Variants in ANO10 observed in about 807,000 individuals in gnomAD.
ANO10 encodes anoctamin 10, also known as anoctamin-10.
Under a neutral mutation model 74.7 loss-of-function variants are expected in ANO10, and 77 were observed. The ratio of observed to expected loss-of-function variants is 1.03; its 90% CI spans 0.86 to 1.25. The LOEUF is 1.25. ANO10 is among the 50% of genes most tolerant of loss of function. The pLI is 0.00. For synonymous variants in ANO10, 279 were observed against 284.9 expected (o/e 0.98, Z 0.21); for missense variants, 721 against 778.1 (o/e 0.93, Z 0.87).
chr3:43,511,916 A>G (rs921749819), intron 11 of ANO10, among the ~76,000 whole-genome samples: 1 of 152,192 alleles, frequency 6.6e-6, no homozygotes, highest in Non-Finnish European at 1.5e-5. Flanking sequence ...TTTCCTGAGC[A>G]ATGCACACAC....
At chr3:43,481,156 A>G (rs1242546468) in intron 11 of ANO10, among the ~76,000 whole-genome samples, 1 of 152,142 alleles carries the variant, frequency 6.6e-6, no homozygotes, top group East Asian at 1.9e-4. Context: ...AAACAGCAGA[A>G]AAAGGGCTAA....
At chr3:43,442,524 C>T (rs1193705916) in intron 11 of ANO10, among the ~76,000 whole-genome samples, 1 of 152,096 alleles carries the variant, frequency 6.6e-6, no homozygotes, top group Non-Finnish European at 1.5e-5. Context: ...AAAACATTGC[C>T]ACAAGAAATT....
chr3:43,504,280 A>ACAGG (rs1553692081), intron 11 of ANO10, among the ~76,000 whole-genome samples: 5 of 143,664 alleles, frequency 3.5e-5, no homozygotes, highest in Non-Finnish European at 6.1e-5. Flanking sequence ...AAATAAGTAG[A>ACAGG]TAGGTAGGTA....
At chr3:43,374,090 G>C (rs1373831551) in intron 12 of ANO10, among the ~76,000 whole-genome samples, 1 of 152,174 alleles carries the variant, frequency 6.6e-6, no homozygotes, top group Non-Finnish European at 1.5e-5. Context: ...CCATCTAGAT[G>C]GTTCCTCCAG....
intron 11 of ANO10, among the ~76,000 whole-genome samples, chr3:43,460,775 G>T (rs941827060): frequency 6.6e-6 from 1 of 152,136 alleles, no homozygotes; most frequent in African/African-American, 2.4e-5. Flanking sequence ...CTGAGAACAG[G>T]AGAGAGGGTT....
intron 1 of ANO10, among the ~76,000 whole-genome samples, chr3:43,650,476 A>G (rs897649338): frequency 2.6e-5 from 4 of 152,228 alleles, no homozygotes; most frequent in Non-Finnish European, 5.9e-5. Context: ...AACACAGGAA[A>G]TAAAACTAAG....
At chr3:43,391,582 A>G (rs1466073512) in intron 12 of ANO10, among the ~76,000 whole-genome samples, 4 of 152,188 alleles carry the variant, frequency 2.6e-5, no homozygotes, top group Non-Finnish European at 5.9e-5. Context: ...TAACCAACAG[A>G]ATACAGTAAA....
chr3:43,372,761 C>T (rs1216449918), intron 12 of ANO10: 1 of 1,310,864 alleles, frequency 7.6e-7, no homozygotes, highest in African/African-American at 1.5e-5. Flanking sequence ...AGGGCCATGA[C>T]TAGACCCCAG....
chr3:43,447,092 T>C (rs904676943), intron 11 of ANO10, among the ~76,000 whole-genome samples: 1 of 152,220 alleles, frequency 6.6e-6, no homozygotes, highest in African/African-American at 2.4e-5. Context: ...ACAGCACCCA[T>C]ACTTTATCGA....
chr3:43,536,396 T>G lies in ANO10; in HGVS notation c.1797+13324A>C, dbSNP rs182497331. Among the ~76,000 whole-genome samples the G allele has an allele frequency of 3.9e-5, 6 of 152,288 alleles. No homozygotes were observed. In the East Asian group the frequency reaches 1.2e-3, roughly 29 times the overall value. On this transcript the variant is annotated intron_variant, in intron 11 of 12. Coordinates refer to ENST00000292246, the MANE Select transcript of ANO10 (RefSeq NM_018075.5). ...GTGCCCTCAAAACGGTTAGCAGCAG[T>G]AGCATATTACTTTCTACATAGTCAT... is the stretch of plus-strand genomic sequence containing the variant.
At chr3:43,615,898 C>T (rs2083078191) in intron 1 of ANO10, among the ~76,000 whole-genome samples, 1 of 152,128 alleles carries the variant, frequency 6.6e-6, no homozygotes, top group Non-Finnish European at 1.5e-5. Context: ...TGTGATCCGC[C>T]CGCCTCGGCC....
chr3:43,514,174 G>A (rs1402200156), intron 11 of ANO10, among the ~76,000 whole-genome samples: 3 of 151,616 alleles, frequency 2.0e-5, no homozygotes, highest in Non-Finnish European at 2.9e-5. Flanking sequence ...ATGCCATAAC[G>A]CCCCAATTAA....
chr3:43,380,585 G>C (rs957207477), intron 12 of ANO10, among the ~76,000 whole-genome samples: 2 of 152,094 alleles, frequency 1.3e-5, no homozygotes, highest in Non-Finnish European at 2.9e-5. Flanking sequence ...TGTGTCTACC[G>C]AAACTAAGCT....
At chr3:43,597,421 A>T (rs904126265) in intron 4 of ANO10, among the ~76,000 whole-genome samples, 30 of 152,346 alleles carry the variant, frequency 2.0e-4, no homozygotes, top group Non-Finnish European at 4.4e-4. Context: ...ACCATGGAAT[A>T]CTATGCAGCC....
chr3:43,492,249 G>C (rs1575253191), intron 11 of ANO10, among the ~76,000 whole-genome samples: 1 of 152,262 alleles, frequency 6.6e-6, no homozygotes, highest in East Asian at 1.9e-4. Context: ...GAAGAAAACT[G>C]AAACTGGACC....
intron 11 of ANO10, among the ~76,000 whole-genome samples, chr3:43,454,965 T>G: frequency 1.4e-5 from 2 of 146,612 alleles, no homozygotes; most frequent in African/African-American, 2.5e-5. Flanking sequence ...AGTGAGGGAG[T>G]CTCCTGGAGC....
intron 1 of ANO10, among the ~76,000 whole-genome samples, chr3:43,646,605 C>A (rs1187582022): frequency 6.6e-6 from 1 of 152,102 alleles, no homozygotes; most frequent in Admixed American, 6.5e-5. Flanking sequence ...AATCCTGACT[C>A]ACTGCAACTT....
At chr3:43,594,851 T>C (rs1009049187) in intron 4 of ANO10, among the ~76,000 whole-genome samples, 1 of 151,696 alleles carries the variant, frequency 6.6e-6, no homozygotes, top group African/African-American at 2.4e-5. Context: ...ATCAACAAAA[T>C]TGATAGACCG....
chr3:43,683,190 T>G (rs953863129), intron 1 of ANO10, among the ~76,000 whole-genome samples: 1 of 152,176 alleles, frequency 6.6e-6, no homozygotes, highest in African/African-American at 2.4e-5. Flanking sequence ...CCCCATCATC[T>G]CAGCCCAAAA....
Sources: gnomAD v4.1 joint callset for allele counts (sites outside exome capture counted in the v4.1 genomes callset) on GRCh38, gnomAD v4.1.1 for gene constraint, MANE v1.5 for transcripts, NCBI Gene and HGNC (gene_info 2026-07-23, HGNC 2026-07-21) for gene names.